Variants in ZW10 observed in about 807,000 individuals in gnomAD.
ZW10 encodes the protein zw10 kinetochore protein.
ZW10 carries 53 observed loss-of-function variants against 87.8 expected under a neutral mutation model. That is an observed-to-expected ratio of 0.60 (90% CI 0.48 to 0.76). ZW10 has a LOEUF of 0.76. ZW10 is among the 30% of genes least tolerant of loss of function. The pLI is 0.00. For missense variants in ZW10, 837 were observed against 923.0 expected, an observed-to-expected ratio of 0.91 and a Z score of 1.21; for synonymous variants, 312 against 329.2, an observed-to-expected ratio of 0.95 and a Z score of 0.57.
intron 11 of ZW10, among the ~76,000 whole-genome samples, chr11:113,740,989 A>G (rs746178920): frequency 3.9e-5 from 6 of 152,254 alleles, no homozygotes; most frequent in Non-Finnish European, 5.9e-5. Context: ...GTTAAACCAC[A>G]GTAAAGAGAA....
intron 2 of ZW10, among the ~76,000 whole-genome samples, chr11:113,768,577 C>A (rs911772514): frequency 6.6e-6 from 1 of 152,196 alleles, no homozygotes; most frequent in Non-Finnish European, 1.5e-5. Context: ...TTGGCCACCA[C>A]AAAGTGCTGG....
intron 11 of ZW10, among the ~76,000 whole-genome samples, chr11:113,741,014 A>G (rs1255515711): frequency 2.0e-5 from 3 of 152,220 alleles, no homozygotes; most frequent in Non-Finnish European, 4.4e-5. Flanking sequence ...AATAAAACTA[A>G]TAAGGTTCAC....
intron 7 of ZW10, among the ~76,000 whole-genome samples, chr11:113,753,225 T>C (rs1953751668): frequency 6.6e-6 from 1 of 152,090 alleles, no homozygotes; most frequent in Non-Finnish European, 1.5e-5. Flanking sequence ...CCCCAATATG[T>C]GTCATGTGTG....
Position 113,766,698 on chromosome 11 carries a change from A to AT in ZW10, c.240+2134dup, listed in dbSNP as rs1555035627. Among the ~76,000 whole-genome samples the AT allele has an allele frequency of 6.0e-3, 721 of 119,306 alleles. 1 individual carries two copies. Among genetic ancestry groups the AT allele is most frequent in the African/African-American group, 8.8e-3 (279 of 31,600 alleles). The allele number at this position is 119,306 out of a possible 152,430, so 78.3% of individuals were successfully genotyped here. ...CAAAAAAAAAAAAAAAAAAAAAAAA[A>AT]TTAATTTTTAAAAATTAAAAAAAAA... On this transcript the variant is annotated intron_variant, in intron 2 of 15. Transcript: ENST00000200135.
intron 10 of ZW10, among the ~76,000 whole-genome samples, chr11:113,742,037 A>G (rs963650193): frequency 6.6e-6 from 1 of 152,222 alleles, no homozygotes; most frequent in Non-Finnish European, 1.5e-5. Flanking sequence ...CTATTTATCA[A>G]TTTCTGTTCT....
At chr11:113,753,393 A>G (rs1272886035) in intron 7 of ZW10, among the ~76,000 whole-genome samples, 3 of 152,020 alleles carry the variant, frequency 2.0e-5, no homozygotes, top group African/African-American at 7.2e-5. Context: ...TTATGGAGAA[A>G]GTTTTGTTTT....
At chr11:113,764,817 G>A (rs1316447334) in intron 2 of ZW10, among the ~76,000 whole-genome samples, 1 of 152,100 alleles carries the variant, frequency 6.6e-6, no homozygotes, top group African/African-American at 2.4e-5. Flanking sequence ...TTTTCCCTTA[G>A]TTCCATGAAA....
chr11:113,762,510 C>T lies in ZW10; in HGVS notation c.241-1592G>A, dbSNP rs552544610. 8.6e-5 allele frequency among the ~76,000 whole-genome samples: 13 copies of T among 151,858 alleles called. No homozygotes were observed. In the East Asian group the frequency reaches 2.5e-3, roughly 29 times the overall value. On this transcript the variant is annotated intron_variant, in intron 2 of 15. Coordinates refer to ENST00000200135, the MANE Select transcript of ZW10 (RefSeq NM_004724.4). ...CATTAGCTTACTGTAACATTTTTAC[C>T]TTATAAACTTATTAACTTTTTTTTT... is the stretch of plus-strand genomic sequence containing the variant.
In ZW10 at chr11:113,741,691, T is replaced by C. The variant is rs1179130241; in HGVS notation, c.1583+3A>G. ...TATAGAAATGAGATACAGTGGTACT[T>C]ACTTGTGATATGTTGGTACAACATC... On this transcript the variant is annotated splice_donor_region_variant and intron_variant, in intron 11 of 15. Transcript: ENST00000200135. 6.3e-7 allele frequency: 1 copy of C among 1,587,856 alleles called. No individual in the cohort carries two copies. Among genetic ancestry groups the C allele is most frequent in the Admixed American group, 1.8e-5 (1 of 56,530 alleles).
intron 9 of ZW10, 123 bp downstream of exon 9, chr11:113,747,408 A>G: frequency 1.2e-6 from 1 of 838,212 alleles, no homozygotes; most frequent in Non-Finnish European, 1.8e-6. Flanking sequence ...AATGTAAAAA[A>G]GATTGATAAC....
At chr11:113,734,734 G>A (rs1953529300) in intron 15 of ZW10, among the ~76,000 whole-genome samples, 1 of 151,956 alleles carries the variant, frequency 6.6e-6, no homozygotes, top group Admixed American at 6.6e-5. Flanking sequence ...GAGCGTGGGA[G>A]GCAGAGGTTG....
chr11:113,741,138 G>GT (rs1477955112), intron 11 of ZW10, among the ~76,000 whole-genome samples: 2 of 150,510 alleles, frequency 1.3e-5, no homozygotes, highest in African/African-American at 4.9e-5. Context: ...TTTTTTTTTG[G>GT]TTTTTTGTTT....
At chr11:113,766,331 C>G (rs537501368) in intron 2 of ZW10, among the ~76,000 whole-genome samples, 5 of 151,832 alleles carry the variant, frequency 3.3e-5, no homozygotes, top group Non-Finnish European at 7.4e-5. Context: ...TGCCACCCCA[C>G]TCCAGCCTAG....
chr11:113,746,633 C>T (rs1953680614), intron 9 of ZW10, among the ~76,000 whole-genome samples: 1 of 151,512 alleles, frequency 6.6e-6, no homozygotes, highest in Non-Finnish European at 1.5e-5. Flanking sequence ...GGAAGGGGTA[C>T]AGGAAATAGG....
chr11:113,747,302 A>G (rs538455421), intron 9 of ZW10, among the ~76,000 whole-genome samples: 5 of 152,288 alleles, frequency 3.3e-5, no homozygotes, highest in East Asian at 1.9e-4. Flanking sequence ...GACTTTTTCA[A>G]TTTATACAAG....
At chr11:113,755,197 T>C (rs1419055121) in intron 7 of ZW10, among the ~76,000 whole-genome samples, 2 of 152,210 alleles carry the variant, frequency 1.3e-5, no homozygotes, top group South Asian at 4.1e-4. Flanking sequence ...ATTCCTCTGA[T>C]GGATCTGAGC....
At chr11:113,757,315 ACACT>A (rs1335057366) in intron 7 of ZW10, among the ~76,000 whole-genome samples, 1 of 152,254 alleles carries the variant, frequency 6.6e-6, no homozygotes, top group Admixed American at 6.5e-5. Context: ...ATGTAAAACA[ACACT>A]TGGTTCATTT....
intron 5 of ZW10, among the ~76,000 whole-genome samples, chr11:113,759,896 T>C (rs1953838738): frequency 6.6e-6 from 1 of 152,142 alleles, no homozygotes; most frequent in Non-Finnish European, 1.5e-5. Flanking sequence ...CAATGGAAAC[T>C]TAATGTGGTC....
intron 12 of ZW10, 139 bp downstream of exon 12, chr11:113,739,073 CA>C (rs1212470018): frequency 1.1e-6 from 1 of 883,024 alleles, no homozygotes; most frequent in East Asian, 2.9e-5. Context: ...GAAACACTTG[CA>C]AATTAAATGC....
Sources: gnomAD v4.1 joint callset for allele counts (sites outside exome capture counted in the v4.1 genomes callset) on GRCh38, gnomAD v4.1.1 for gene constraint, MANE v1.5 for transcripts, NCBI Gene and HGNC (gene_info 2026-07-23, HGNC 2026-07-21) for gene names.